PCDHGB4: variants seen among roughly 807,000 people sequenced by gnomAD.
PCDHGB4 encodes the protein protocadherin gamma subfamily B, 4.
A neutral mutation model predicts 60.5 loss-of-function variants in PCDHGB4; 38 were observed. The observed-to-expected ratio is 0.63, with a 90% confidence interval of 0.48 to 0.82. The LOEUF is 0.82. Ranked by LOEUF, PCDHGB4 falls within the 40% of genes least tolerant of loss-of-function variation. PCDHGB4 has a pLI of 0.00. For missense variants in PCDHGB4, 1,109 were observed against 1,209.6 expected, an observed-to-expected ratio of 0.92 and a Z score of 1.23; for synonymous variants, 456 against 509.7, an observed-to-expected ratio of 0.89 and a Z score of 1.42.
chr5:141,471,618 A>C (rs1421854064), intron 1 of PCDHGB4: 1 of 152,218 alleles, frequency 6.6e-6, no homozygotes, highest in Non-Finnish European at 1.5e-5. Context: ...TGGGAGTAGT[A>C]AGCATTGGTA....
In PCDHGB4 at chr5:141,476,132, T is replaced by C. The variant is rs751708569; in HGVS notation, c.2398-18675T>C. 2 of 1,607,820 alleles carry C rather than the reference T, an allele frequency of 1.2e-6. No homozygotes were observed. The highest frequency in any genetic ancestry group is 1.1e-5 in the South Asian group (1 of 90,582). On this transcript the variant is annotated intron_variant, in intron 1 of 3. Coordinates refer to ENST00000519479, the MANE Select transcript of PCDHGB4 (RefSeq NM_003736.4). The surrounding 1 kb of genome is among the most constrained non-coding windows in gnomAD (Gnocchi z 7.6). ...TTTGAGTGAGATGGTCCCAGAGGCC[T>C]GGAGGAGCGGACTGGTAAGCACCGG...
Position 141,487,397 on chromosome 5 carries a change from G to A in PCDHGB4, c.2398-7410G>A. 1 of 1,614,062 alleles carries A rather than the reference G, an allele frequency of 6.2e-7. No homozygotes were observed. Among genetic ancestry groups the A allele is most frequent in the Middle Eastern group, 1.6e-4 (1 of 6,062 alleles). Reference sequence around the variant, plus strand: ...TCTCACCAGATCTCGAAGGAGGGAGGGGCTTCCCCCTTCCAATGGGATCCT... The same window carrying A: ...TCTCACCAGATCTCGAAGGAGGGAGAGGCTTCCCCCTTCCAATGGGATCCT... On this transcript the variant is annotated intron_variant, in intron 1 of 3. Coordinates refer to ENST00000519479, the MANE Select transcript of PCDHGB4 (RefSeq NM_003736.4). This position sits in a 1 kb window ranked among gnomAD's most constrained non-coding sequence, Gnocchi z 5.0.
chr5:141,462,682 G>T (rs560423384), intron 1 of PCDHGB4, among the ~76,000 whole-genome samples: 2 of 151,790 alleles, frequency 1.3e-5, no homozygotes, highest in Non-Finnish European at 2.9e-5. Context: ...TTAAATTTTT[G>T]AGCACATTTA....
At chr5:141,420,237 C>A in intron 1 of PCDHGB4, 1 of 1,595,672 alleles carries the variant, frequency 6.3e-7, no homozygotes, top group Non-Finnish European at 8.6e-7. Context: ...AGCATTTTAA[C>A]TCCCAGCGTT....
At chr5:141,416,711 C>G (rs962144454) in intron 1 of PCDHGB4, 1 of 152,152 alleles carries the variant, frequency 6.6e-6, no homozygotes, top group South Asian at 2.1e-4. Context: ...ATTGGAGGTA[C>G]TGATGAGTTC....
chr5:141,409,900 T>G (rs756245078), intron 1 of PCDHGB4: 1 of 1,613,144 alleles, frequency 6.2e-7, no homozygotes, highest in Non-Finnish European at 8.5e-7. Flanking sequence ...TGTACCCAGC[T>G]CTGGGTCCTG....
chr5:141,405,149 G>T (rs1469979881), intron 1 of PCDHGB4: 4 of 1,614,038 alleles, frequency 2.5e-6, no homozygotes, highest in Non-Finnish European at 3.4e-6. Context: ...TGATGGGTTG[G>T]CTGGTGTGCC....
At chr5:141,428,882 T>C in intron 1 of PCDHGB4, 1 of 151,216 alleles carries the variant, frequency 6.6e-6, no homozygotes, top group African/African-American at 2.4e-5. Context: ...TTGGACGGAG[T>C]CTCGCTCTGT....
intron 1 of PCDHGB4, among the ~76,000 whole-genome samples, chr5:141,462,559 T>G (rs1035231534): frequency 6.6e-6 from 1 of 152,248 alleles, no homozygotes; most frequent in African/African-American, 2.4e-5. Flanking sequence ...CAGTGTTTAC[T>G]GTATTTGCTA....
intron 1 of PCDHGB4, among the ~76,000 whole-genome samples, chr5:141,464,049 G>C (rs1330340459): frequency 6.6e-6 from 1 of 152,124 alleles, no homozygotes; most frequent in Admixed American, 6.5e-5. Context: ...TGGATCACCT[G>C]AGGTCAGGAG....
chr5:141,389,445 G>C lies in PCDHGB4; in HGVS notation c.1561G>C (p.Glu521Gln). 1.9e-6 allele frequency: 3 copies of C among 1,610,528 alleles called. No homozygotes were observed. Among genetic ancestry groups the C allele is most frequent in the Non-Finnish European group, 2.5e-6 (3 of 1,178,366 alleles). The stretch of plus-strand genomic sequence containing the variant: ...GTTCGCGCAGCGCGCCTTCGACCAC[G>C]AGCAGCTGCGCGCCTTCGAACTCAC... The part of the protein sequence containing the change: ...VVFAQRAFDH[E>Q]QLRAFELTLQ... The change falls in exon 1 of 4, where the codon GAG becomes CAG. Residue 521 changes from glutamate (E) to glutamine (Q), a missense_variant. Coordinates refer to ENST00000519479, the MANE Select transcript of PCDHGB4 (RefSeq NM_003736.4).
intron 1 of PCDHGB4, chr5:141,442,111 C>A: frequency 6.0e-6 from 1 of 166,354 alleles, no homozygotes; most frequent in Non-Finnish European, 1.3e-5. Context: ...CACTACCGCC[C>A]CTCGTCGCCG....
In PCDHGB4 at chr5:141,487,493, C is replaced by T; in HGVS notation, c.2398-7314C>T. 6.2e-7 allele frequency: 1 copy of T among 1,614,168 alleles called. No individual in the cohort carries two copies. The highest frequency in any genetic ancestry group is 1.1e-5 in the South Asian group (1 of 91,088). On this transcript the variant is annotated intron_variant, in intron 1 of 3. Coordinates refer to ENST00000519479, the MANE Select transcript of PCDHGB4 (RefSeq NM_003736.4). The surrounding 1 kb of genome is among the most constrained non-coding windows in gnomAD (Gnocchi z 5.0). ...GGGAGGCCACTCTCATGGCTGTACA[C>T]CCTTGGCTTCTGCACCCACTCGGAG...
At chr5:141,453,811 A>G (rs541081089) in intron 1 of PCDHGB4, among the ~76,000 whole-genome samples, 1 of 152,350 alleles carries the variant, frequency 6.6e-6, no homozygotes, top group Admixed American at 6.5e-5. Context: ...AGTTCCATAA[A>G]GGACAAACTT....
Position 141,477,710 on chromosome 5 carries a change from G to A in PCDHGB4, c.2398-17097G>A, listed in dbSNP as rs747156156. ...GCCCCTAGACTATGAGGATCGGCGG[G>A]AATTTGAATTAACAGCTCATATCAG... On this transcript the variant is annotated intron_variant, in intron 1 of 3. Transcript: ENST00000519479. This position sits in a 1 kb window ranked among gnomAD's most constrained non-coding sequence, Gnocchi z 4.9. 2.5e-6 allele frequency: 4 copies of A among 1,613,918 alleles called. No homozygotes were observed. Among genetic ancestry groups the A allele is most frequent in the Middle Eastern group, 3.3e-4 (2 of 6,062 alleles).
At position 141,485,044 on chromosome 5, in the gene PCDHGB4, G is replaced by A; in HGVS notation, c.2398-9763G>A. 2 of 737,674 alleles carry A rather than the reference G, an allele frequency of 2.7e-6. No individual in the cohort carries two copies. The highest frequency in any genetic ancestry group is 1.8e-5 in the African/African-American group (1 of 56,792). The allele number at this position is 737,674 out of a possible 1,614,324, so 45.7% of individuals were successfully genotyped here. A position where few individuals can be genotyped will look rare whatever the true frequency, so the allele number is the denominator to read the frequency against. ...GCAAAAACGGCGCGTAACCCTTGCG[G>A]CGCCGGCCGAACCGCGCCAGAGCTG... On this transcript the variant is annotated intron_variant, in intron 1 of 3. Coordinates refer to ENST00000519479, the MANE Select transcript of PCDHGB4 (RefSeq NM_003736.4). This position sits in a 1 kb window ranked among gnomAD's most constrained non-coding sequence, Gnocchi z 5.7.
chr5:141,489,994 C>A lies in PCDHGB4; in HGVS notation c.2398-4813C>A, dbSNP rs1307285048. The A allele has an allele frequency of 1.2e-5, 19 of 1,614,192 alleles. No individual in the cohort carries two copies. The highest frequency in any genetic ancestry group is 1.6e-4 in the Middle Eastern group (1 of 6,062). On this transcript the variant is annotated intron_variant, in intron 1 of 3. Transcript: ENST00000519479. This position sits in a 1 kb window ranked among gnomAD's most constrained non-coding sequence, Gnocchi z 4.5. Reference sequence around the variant, plus strand: ...ATCCTCAGTTCTACGTGTGGGAATCCCAGAGAATGCACCCATTGGTACTCT... The same window carrying A: ...ATCCTCAGTTCTACGTGTGGGAATCACAGAGAATGCACCCATTGGTACTCT...
chr5:141,398,858 G>C, intron 1 of PCDHGB4: 2 of 1,613,986 alleles, frequency 1.2e-6, no homozygotes, highest in Non-Finnish European at 1.7e-6. Flanking sequence ...GTATTCAACC[G>C]AGACGTGTAC....
chr5:141,392,735 C>G, intron 1 of PCDHGB4: 1 of 1,428,540 alleles, frequency 7.0e-7, no homozygotes, highest in South Asian at 1.5e-5. Context: ...ATTGTCATCT[C>G]CATAGCTGCG....
Sources: allele counts gnomAD v4.1 joint callset (sites outside exome capture counted in the v4.1 genomes callset), GRCh38; gene constraint gnomAD v4.1.1; non-coding constraint Gnocchi (gnomAD v3.1); transcripts MANE v1.5; gene names NCBI Gene and HGNC (gene_info 2026-07-23, HGNC 2026-07-21).